Variants in ZNF544 observed in about 807,000 individuals in gnomAD.
The protein encoded by ZNF544 is zinc finger protein AF020591.
A neutral mutation model predicts 13.5 loss-of-function variants in ZNF544; 10 were observed. That is an observed-to-expected ratio of 0.74 (90% CI 0.46 to 1.25). The LOEUF (loss-of-function observed/expected upper bound fraction) is 1.25. Among genes scored for constraint, ZNF544 ranks in the 50% most tolerant of loss-of-function variants. ZNF544 has a pLI of 0.00. For missense variants in ZNF544, 896 were observed against 845.6 expected (o/e 1.06, Z -0.74); for synonymous variants, 323 against 300.5 (o/e 1.07, Z -0.77).
chr19:58,275,988 C>T (rs1488859796), intron 5 of ZNF544, among the ~76,000 whole-genome samples: 1 of 151,884 alleles, frequency 6.6e-6, no homozygotes, highest in Non-Finnish European at 1.5e-5. Flanking sequence ...GAGTTCAAGA[C>T]CAGCCTGGGC....
intron 6 of ZNF544, among the ~76,000 whole-genome samples, chr19:58,248,629 C>G (rs138299775): frequency 1.4e-4 from 22 of 152,202 alleles, no homozygotes; most frequent in Non-Finnish European, 2.8e-4. Context: ...GTTCCACTAC[C>G]CTAAATATTC....
At chr19:58,231,575 A>T (rs2041231480) in intron 3 of ZNF544, among the ~76,000 whole-genome samples, 1 of 151,958 alleles carries the variant, frequency 6.6e-6, no homozygotes, top group Non-Finnish European at 1.5e-5. Context: ...TTTATTATTT[A>T]TTTTTTTATA....
At chr19:58,258,017 G>T (rs148759995) in intron 6 of ZNF544, 1 of 151,862 alleles carries the variant, frequency 6.6e-6, no homozygotes, top group African/African-American at 2.4e-5. Context: ...CTCCTCCCTG[G>T]GCCATGCCCT....
downstream of ZNF544, among the ~76,000 whole-genome samples, chr19:58,264,768 C>A (rs1474748761): frequency 6.6e-6 from 1 of 152,114 alleles, no homozygotes; most frequent in African/African-American, 2.4e-5. Context: ...CTTTGGGAGA[C>A]CGAGCGGCCA....
chr19:58,261,867 T>G lies in ZNF544; in HGVS notation c.1261T>G (p.Ser421Ala). 1 of 1,612,064 alleles carries G rather than the reference T, an allele frequency of 6.2e-7. No individual in the cohort carries two copies. The highest frequency in any genetic ancestry group is 2.2e-5 in the East Asian group (1 of 44,812). The change falls in exon 7 of 7, where the codon TCC (serine) becomes GCC (alanine). Residue 421 changes from serine (S) to alanine (A), a missense_variant. Transcript: ENST00000687789. Reference sequence around the variant, plus strand: ...GTGTGGGAAATCCTTCACCCAGAGATCCAAACTTATTACACATCAGCGAAT... The same window carrying G: ...GTGTGGGAAATCCTTCACCCAGAGAGCCAAACTTATTACACATCAGCGAAT... ...DLCGKSFTQR[S>A]KLITHQRIHT...
In ZNF544 at chr19:58,261,637, G is replaced by A. The variant is rs144773098; in HGVS notation, c.1031G>A (p.Cys344Tyr). The A allele has an allele frequency of 5.0e-6, 8 of 1,614,234 alleles. No individual in the cohort carries two copies. Among genetic ancestry groups the A allele is most frequent in the Middle Eastern group, 1.6e-4 (1 of 6,062 alleles). ...AFPMASSFSD[C>Y]NIIQTTEKPS... ...CCCATGGCCTCATCTTTTTCTGACT[G>A]TAACATCATTCAGACTACAGAGAAG... The change falls in exon 7 of 7, where the codon TGT becomes TAT. Residue 344 changes from cysteine to tyrosine, a missense_variant. Transcript: ENST00000687789.
chr19:58,273,612 C>A (rs2050931437), intron 5 of ZNF544, among the ~76,000 whole-genome samples: 1 of 151,248 alleles, frequency 6.6e-6, no homozygotes, highest in Non-Finnish European at 1.5e-5. Flanking sequence ...ATCGCTTGAA[C>A]CCGGGAGGTG....
rs2049420937 is a variant in ZNF544, at chr19:58,263,515, G to A, written c.*761G>A. On this transcript the variant is annotated 3_prime_UTR_variant, in exon 7 of 7. Transcript: ENST00000687789. ...GCCAGACCTTGTTTACTAGAAATCAGGTGGCCAAAACATGACTCTCAGAGT... is the reference window on the plus strand; with the variant it reads ...GCCAGACCTTGTTTACTAGAAATCAAGTGGCCAAAACATGACTCTCAGAGT... 3 of 985,306 alleles carry A rather than the reference G, an allele frequency of 3.0e-6. No homozygotes were observed. The highest frequency in any genetic ancestry group is 1.7e-5 in the African/African-American group (1 of 57,232). The allele number at this position is 985,306 out of a possible 1,614,324, so 61.0% of individuals were successfully genotyped here. A position where few individuals can be genotyped will look rare whatever the true frequency, so the allele number is the denominator to read the frequency against.
At chr19:58,240,531 A>G (rs1244218397) in intron 3 of ZNF544, among the ~76,000 whole-genome samples, 2 of 152,050 alleles carry the variant, frequency 1.3e-5, no homozygotes, top group African/African-American at 4.8e-5. Context: ...TGCTGGGATT[A>G]TAGGCATGAC....
chr19:58,268,275 T>C (rs1347182030), downstream of ZNF544, among the ~76,000 whole-genome samples: 1 of 152,094 alleles, frequency 6.6e-6, no homozygotes, highest in African/African-American at 2.4e-5. Flanking sequence ...CACTCCAGCC[T>C]GGGCAACAAG....
intron 3 of ZNF544, among the ~76,000 whole-genome samples, chr19:58,236,212 A>G (rs1442919674): frequency 6.6e-6 from 1 of 151,826 alleles, no homozygotes; most frequent in East Asian, 1.9e-4. Context: ...TCTATTTTGA[A>G]AACAGAAACA....
intron 5 of ZNF544, among the ~76,000 whole-genome samples, chr19:58,269,770 A>C (rs1220072839): frequency 4.0e-5 from 6 of 151,860 alleles, no homozygotes; most frequent in Admixed American, 3.9e-4. Flanking sequence ...AAGATACAAA[A>C]ATTAGCCAAG....
intron 3 of ZNF544, chr19:58,242,248 C>T (rs2044048423): frequency 1.0e-6 from 1 of 985,204 alleles, no homozygotes; most frequent in South Asian, 4.7e-5. Flanking sequence ...GTCCCCAGCA[C>T]CGCAACATCT....
Position 58,261,296 on chromosome 19 carries a change from A to G in ZNF544, c.690A>G (p.Lys230=). 6.2e-7 allele frequency: 1 copy of G among 1,614,218 alleles called. No homozygotes were observed. The highest frequency in any genetic ancestry group is 8.5e-7 in the Non-Finnish European group (1 of 1,180,048). The part of the protein sequence containing the change: ...RAFCQSIYLS[K]LGNVETGKKN... ...TCTGTCAGAGTATTTACTTGAGTAA[A>G]CTTGGAAACGTTGAAACAGGAAAGA... The change falls in exon 7 of 7, where the codon AAA becomes AAG. Residue 230 remains lysine (K), a synonymous_variant. Transcript: ENST00000687789.
intron 4 of ZNF544, 40 bp downstream of exon 4, chr19:58,244,096 T>G (rs748873192): frequency 8.2e-6 from 13 of 1,576,464 alleles, no homozygotes; most frequent in Non-Finnish European, 1.1e-5. Context: ...TTGGTCTCCA[T>G]AGATGTAAAA....
intron 6 of ZNF544, among the ~76,000 whole-genome samples, chr19:58,253,357 G>GA (rs1036781274): frequency 6.6e-6 from 1 of 152,022 alleles, no homozygotes; most frequent in East Asian, 1.9e-4. Context: ...TTTGCTCACT[G>GA]AAAAAAAGCC....
At chr19:58,270,307 T>C (rs952431414) in intron 5 of ZNF544, among the ~76,000 whole-genome samples, 2 of 150,886 alleles carry the variant, frequency 1.3e-5, no homozygotes, top group Admixed American at 6.6e-5. Flanking sequence ...GTATTGGCTT[T>C]TTTTTTCTTT....
intron 4 of ZNF544, among the ~76,000 whole-genome samples, chr19:58,245,083 G>T (rs540681551): frequency 5.3e-5 from 8 of 152,122 alleles, no homozygotes; most frequent in African/African-American, 1.9e-4. Context: ...AAGTAGCTGG[G>T]ATTACAGGTG....
chr19:58,233,104 A>G (rs1348838481), intron 3 of ZNF544, among the ~76,000 whole-genome samples: 1 of 152,152 alleles, frequency 6.6e-6, no homozygotes, highest in African/African-American at 2.4e-5. Context: ...GCAGCAGGCA[A>G]GAGGGTGTGT....
Sources: gnomAD v4.1 joint callset for allele counts (sites outside exome capture counted in the v4.1 genomes callset) on GRCh38, gnomAD v4.1.1 for gene constraint, MANE v1.5 for transcripts, NCBI Gene and HGNC (gene_info 2026-07-23, HGNC 2026-07-21) for gene names.